ERCC6L: variants seen among roughly 807,000 people sequenced by gnomAD.
The protein encoded by ERCC6L is DNA excision repair protein ERCC-6-like.
In ERCC6L, 7 loss-of-function variants were observed where a neutral mutation model predicts 20.1. The ratio of observed to expected loss-of-function variants is 0.35; its 90% CI spans 0.20 to 0.65. The LOEUF is 0.65. Ranked by LOEUF, ERCC6L falls within the 30% of genes least tolerant of loss-of-function variation. The pLI is 0.69. For missense variants in ERCC6L, 592 were observed against 892.4 expected, an observed-to-expected ratio of 0.66 and a Z score of 4.29; for synonymous variants, 278 against 331.3, an observed-to-expected ratio of 0.84 and a Z score of 1.75.
Position 72,205,676 on chromosome X carries a change from C to T in ERCC6L, c.3091G>A (p.Glu1031Lys), listed in dbSNP as rs752142569. The change falls in exon 2 of 2, where the codon GAA becomes AAA. Residue 1031 changes from glutamate (E) to lysine (K), a missense_variant. Coordinates refer to ENST00000334463, the MANE Select transcript of ERCC6L (RefSeq NM_017669.4). ...TCTTTAAAAGAATCATCTTCATCTT[C>T]GCCATCTGAAACAATCCTTCTAGCT... The part of the protein sequence containing the change: ...SKARRIVSDG[E>K]DEDDSFKDTS... 6 of 1,211,835 alleles carry T rather than the reference C, an allele frequency of 5.0e-6. No homozygotes were observed. In the South Asian group the frequency reaches 7.0e-5, roughly 14 times the overall value.
At chrX:72,211,213 G>C (rs2042852080) in intron 1 of ERCC6L, among the ~76,000 whole-genome samples, 1 of 110,798 alleles carries the variant, frequency 9.0e-6, no homozygotes, top group Non-Finnish European at 1.9e-5. Flanking sequence ...ACACTTCATG[G>C]GCTCAAGTAT....
intron 1 of ERCC6L, among the ~76,000 whole-genome samples, chrX:72,224,952 C>A (rs1339851788): frequency 1.8e-5 from 2 of 111,032 alleles, no homozygotes; most frequent in African/African-American, 6.6e-5. Flanking sequence ...TGACTTTTGG[C>A]TGCCAATATT....
At chrX:72,212,006 G>A (rs760797309) in intron 1 of ERCC6L, among the ~76,000 whole-genome samples, 2 of 111,237 alleles carry the variant, frequency 1.8e-5, no homozygotes, top group African/African-American at 6.5e-5. Context: ...TGGGCATGGT[G>A]GCTCATGCCT....
At chrX:72,232,433 A>G (rs1334632738) in intron 1 of ERCC6L, among the ~76,000 whole-genome samples, 1 of 106,788 alleles carries the variant, frequency 9.4e-6, no homozygotes, top group Non-Finnish European at 1.9e-5. Context: ...AAAAAAAAAA[A>G]AAAAAGACAT....
At chrX:72,237,134 C>T (rs1356080738) in intron 1 of ERCC6L, among the ~76,000 whole-genome samples, 2 of 111,921 alleles carry the variant, frequency 1.8e-5, no homozygotes, top group African/African-American at 6.5e-5. Flanking sequence ...CACTCAGTTA[C>T]GAAGTGCACA....
chrX:72,236,890 T>C (rs1332620574), intron 1 of ERCC6L, among the ~76,000 whole-genome samples: 1 of 112,364 alleles, frequency 8.9e-6, no homozygotes, highest in African/African-American at 3.2e-5. Context: ...ACATCTTTGC[T>C]CACTCATGTA....
intron 1 of ERCC6L, among the ~76,000 whole-genome samples, chrX:72,236,360 G>A (rs1243594237): frequency 2.7e-5 from 3 of 111,005 alleles, no homozygotes; most frequent in Non-Finnish European, 3.8e-5. Flanking sequence ...GTGCAGTGGC[G>A]CCATCTCAGC....
chrX:72,211,473 T>A (rs1288715490), intron 1 of ERCC6L, among the ~76,000 whole-genome samples: 1 of 112,133 alleles, frequency 8.9e-6, no homozygotes, highest in Non-Finnish European at 1.9e-5. Context: ...GACTAGAGCA[T>A]GTTTCTCTTT....
At position 72,208,562 on chromosome X, in the gene ERCC6L, C is replaced by T; in HGVS notation, c.205G>A (p.Glu69Lys). The change falls in exon 2 of 2, where the codon GAG becomes AAG. Residue 69 changes from glutamate to lysine, a missense_variant. Physicochemically the swap from Glu to Lys is moderately conservative, Grantham distance 56 (BLOSUM62 1). This residue lies in a region of ERCC6L where 44 missense variants were observed against 49.8 expected (regional missense o/e 0.88). Transcript: ENST00000334463. Reference protein sequence around the residue: ...RIQKIQEALEELAEQGDDEFT... With the variant: ...RIQKIQEALEKLAEQGDDEFT... ...TCATCATCTCCCTGTTCTGCCAACT[C>T]CTCCAAGGCTTCCTGTATTTTTTGG... 1 of 1,211,847 alleles carries T rather than the reference C, an allele frequency of 8.3e-7. No individual in the cohort carries two copies. The highest frequency in any genetic ancestry group is 1.1e-6 in the Non-Finnish European group (1 of 895,516).
At chrX:72,216,401 A>C (rs962160765) in intron 1 of ERCC6L, among the ~76,000 whole-genome samples, 1 of 112,235 alleles carries the variant, frequency 8.9e-6, no homozygotes, top group Non-Finnish European at 1.9e-5. Context: ...TAACTGTGAC[A>C]GAATGTCTAG....
chrX:72,207,349 C>T lies in ERCC6L; in HGVS notation c.1418G>A (p.Arg473Gln), dbSNP rs1268887460. ...IFLMDLLKRL[R>Q]DEGHQTLVFS... ...CACCAGAGTTTGATGTCCCTCATCT[C>T]GCAGCCTCTTAAGTAGGTCCATTAG... Residue 473 changes from arginine to glutamine, a missense_variant, in exon 2 of 2, where the codon CGA becomes CAA. Around this residue, in one of 3 missense-constraint regions of ERCC6L, gnomAD observed 196 missense variants for 440.1 expected, o/e 0.45. Transcript: ENST00000334463. 1.7e-6 allele frequency: 2 copies of T among 1,209,694 alleles called. No individual in the cohort carries two copies. The highest frequency in any genetic ancestry group is 1.8e-5 in the South Asian group (1 of 56,739).
At chrX:72,224,841 CTCTAA>C (rs1016982151) in intron 1 of ERCC6L, among the ~76,000 whole-genome samples, 1 of 111,108 alleles carries the variant, frequency 9.0e-6, no homozygotes, top group African/African-American at 3.3e-5. Context: ...ACCCACCATT[CTCTAA>C]TTCAAATCTC....
chrX:72,222,744 C>T (rs892088057), intron 1 of ERCC6L, among the ~76,000 whole-genome samples: 50 of 108,968 alleles, frequency 4.6e-4, no homozygotes, highest in Non-Finnish European at 5.9e-4. Flanking sequence ...ATTACAGGCG[C>T]GTGTCACCAC....
Position 72,208,685 on chromosome X carries a change from C to T in ERCC6L, c.82G>A (p.Ala28Thr). 1 of 1,192,399 alleles carries T rather than the reference C, an allele frequency of 8.4e-7. No homozygotes were observed. The highest frequency in any genetic ancestry group is 1.1e-6 in the Non-Finnish European group (1 of 885,326). The change falls in exon 2 of 2, where the codon GCC (alanine) becomes ACC (threonine). Residue 28 changes from alanine to threonine, a missense_variant. Ala to Thr is a moderately conservative substitution (Grantham distance 58, BLOSUM62 0). Transcript: ENST00000334463. ...AAHYLRYVKE[A>T]KEATKNGDLE... ...TCTCCATTCTTAGTTGCTTCTTTGGCCTCTTTCACATATCTATAGAAAAAA... is the reference window on the plus strand; with the variant it reads ...TCTCCATTCTTAGTTGCTTCTTTGGTCTCTTTCACATATCTATAGAAAAAA...
chrX:72,209,020 A>G (rs770896151), intron 1 of ERCC6L, among the ~76,000 whole-genome samples: 2 of 111,564 alleles, frequency 1.8e-5, no homozygotes, highest in South Asian at 7.5e-4. Context: ...ACAAACCTCT[A>G]TGTGTAGGGG....
chrX:72,223,374 A>G (rs1256094509), intron 1 of ERCC6L, among the ~76,000 whole-genome samples: 1 of 104,781 alleles, frequency 9.5e-6, no homozygotes, highest in Non-Finnish European at 2.0e-5. Flanking sequence ...AAGGTCCCCA[A>G]ACATCTCAGC....
chrX:72,208,201 T>C lies in ERCC6L; in HGVS notation c.566A>G (p.Asn189Ser), dbSNP rs142549919. 2.9e-3 allele frequency: 3,556 copies of C among 1,209,931 alleles called. 65 individuals are homozygous for C. In the African/African-American group the frequency reaches 0.056, roughly 19 times the overall value. ...PSKDERTRNLNRIQQRNGVII... is the reference protein window; with the variant it reads ...PSKDERTRNLSRIQQRNGVII... ...AACACCATTCCTTTGCTGAATCCGA[T>C]TGAGGTTTCTGGTCCGTTCATCCTT... Residue 189 changes from asparagine to serine, a missense_variant, in exon 2 of 2, where the codon AAT becomes AGT. By Grantham distance (46) the Asn-to-Ser change is conservative. This residue lies in a region of ERCC6L where 196 missense variants were observed against 440.1 expected (regional missense o/e 0.45). Coordinates refer to ENST00000334463, the MANE Select transcript of ERCC6L (RefSeq NM_017669.4).
At chrX:72,226,863 T>C (rs764891005) in intron 1 of ERCC6L, among the ~76,000 whole-genome samples, 2 of 111,772 alleles carry the variant, frequency 1.8e-5, no homozygotes, top group Non-Finnish European at 3.8e-5. Context: ...AAACTGCTCT[T>C]TTATAGGACA....
At position 72,205,146 on chromosome X, in the gene ERCC6L, T is replaced by C; in HGVS notation, c.3621A>G (p.Gly1207=). 2 of 1,211,758 alleles carry C rather than the reference T, an allele frequency of 1.7e-6. No homozygotes were observed. Among genetic ancestry groups the C allele is most frequent in the Non-Finnish European group, 2.2e-6 (2 of 895,498 alleles). The change falls in exon 2 of 2, where the codon GGA becomes GGG. Residue 1207 remains glycine (G), a synonymous_variant. Coordinates refer to ENST00000334463, the MANE Select transcript of ERCC6L (RefSeq NM_017669.4). ...TTTTTCCACACTCTTTTAGTTCTTT[T>C]CCACGCTTTACAAGAGTCTCATAGT... is the stretch of plus-strand genomic sequence containing the variant. The part of the protein sequence containing the change: ...TNDYETLVKR[G]KELKECGKIQ...
Sources: allele counts gnomAD v4.1 joint callset (sites outside exome capture counted in the v4.1 genomes callset), GRCh38; gene constraint gnomAD v4.1.1; regional missense constraint gnomAD v4.1.1; transcripts MANE v1.5; gene names NCBI Gene and HGNC (gene_info 2026-07-23, HGNC 2026-07-21).